NSMCE1: variants seen among roughly 807,000 people sequenced by gnomAD.
NSMCE1 encodes non-structural maintenance of chromosomes element 1 homolog.
Under a neutral mutation model 29.6 loss-of-function variants are expected in NSMCE1, and 18 were observed. That is an observed-to-expected ratio of 0.61 (90% CI 0.42 to 0.90). NSMCE1 has a LOEUF of 0.90. NSMCE1 is among the 40% of genes least tolerant of loss of function. NSMCE1 has a pLI of 0.00. For synonymous variants in NSMCE1, 124 were observed against 133.4 expected (o/e 0.93, Z 0.49); for missense variants, 314 against 343.6 (o/e 0.91, Z 0.68).
intron 1 of NSMCE1, among the ~76,000 whole-genome samples, chr16:27,258,978 G>C (rs957410527): frequency 1.4e-4 from 22 of 152,022 alleles, no homozygotes; most frequent in African/African-American, 5.3e-4. Flanking sequence ...TCGAACTCCT[G>C]ACCTCAGGCG....
chr16:27,225,887 C>T (rs1250060357), intron 6 of NSMCE1, 41 bp from the exon 7 acceptor site: 1 of 1,609,080 alleles, frequency 6.2e-7, no homozygotes. Flanking sequence ...CTGGTGCACA[C>T]CTCCATGTTC....
At chr16:27,266,114 T>A (rs776191489) in intron 1 of NSMCE1, among the ~76,000 whole-genome samples, 20 of 152,208 alleles carry the variant, frequency 1.3e-4, no homozygotes, top group Non-Finnish European at 2.5e-4. Flanking sequence ...GATTCACACC[T>A]GTAATCTCAA....
chr16:27,256,409 G>A (rs1051546372), intron 2 of NSMCE1, among the ~76,000 whole-genome samples: 4 of 152,174 alleles, frequency 2.6e-5, no homozygotes, highest in Non-Finnish European at 5.9e-5. Context: ...CTCCCACTCT[G>A]CTTCTCCTCA....
intron 2 of NSMCE1, among the ~76,000 whole-genome samples, chr16:27,252,436 G>A (rs952392188): frequency 3.9e-5 from 6 of 152,198 alleles, no homozygotes; most frequent in African/African-American, 1.2e-4. Context: ...TCACAATTTT[G>A]TGGGATTATT....
chr16:27,259,801 T>A (rs2084134703), intron 1 of NSMCE1, among the ~76,000 whole-genome samples: 2 of 152,130 alleles, frequency 1.3e-5, no homozygotes, highest in East Asian at 3.8e-4. Context: ...AAAAGTCAGA[T>A]GACTTCTAAA....
At chr16:27,236,605 G>T (rs942161247) in intron 2 of NSMCE1, among the ~76,000 whole-genome samples, 1 of 151,492 alleles carries the variant, frequency 6.6e-6, no homozygotes, top group South Asian at 2.1e-4. Context: ...CTTGTGCTGT[G>T]AAACTTTTTA....
intron 2 of NSMCE1, among the ~76,000 whole-genome samples, chr16:27,240,168 C>T (rs2083877539): frequency 6.6e-6 from 1 of 152,156 alleles, no homozygotes; most frequent in African/African-American, 2.4e-5. Context: ...CTCCACAGAA[C>T]AAGCCTGAGG....
At chr16:27,254,460 G>C (rs2084064026) in intron 2 of NSMCE1, among the ~76,000 whole-genome samples, 1 of 152,186 alleles carries the variant, frequency 6.6e-6, no homozygotes, top group Non-Finnish European at 1.5e-5. Context: ...AAGGCATCAT[G>C]TGGCTCCTTG....
chr16:27,225,928 T>C, intron 6 of NSMCE1, 82 bp from the exon 7 acceptor site: 1 of 1,546,810 alleles, frequency 6.5e-7, no homozygotes, highest in Non-Finnish European at 8.8e-7. Context: ...ACAAGGGAAA[T>C]GGGCAGCAGG....
At chr16:27,234,773 T>C (rs944573990) in intron 3 of NSMCE1, among the ~76,000 whole-genome samples, 2 of 152,200 alleles carry the variant, frequency 1.3e-5, no homozygotes, top group African/African-American at 4.8e-5. Flanking sequence ...GGATGGGGCA[T>C]GTCAGCTTCC....
intron 2 of NSMCE1, 119 bp from the exon 3 acceptor site, chr16:27,235,418 G>A (rs924351744): frequency 9.1e-5 from 101 of 1,106,930 alleles, no homozygotes; most frequent in Non-Finnish European, 1.2e-4. Context: ...AGACATGGGT[G>A]GAGGCTGCAG....
Position 27,268,713 on chromosome 16 carries a change from C to G in NSMCE1, c.-19G>C, listed in dbSNP as rs146592195. On this transcript the variant is annotated 5_prime_UTR_variant, in exon 1 of 8. Coordinates refer to ENST00000361439, the MANE Select transcript of NSMCE1 (RefSeq NM_145080.4). ...GCTCCCCACGTTACCCACCAGGGAGCCCAAGCGCATCCCAGGCCGCGCTAG... is the reference window on the plus strand; with the variant it reads ...GCTCCCCACGTTACCCACCAGGGAGGCCAAGCGCATCCCAGGCCGCGCTAG... 1.3e-5 allele frequency: 2 copies of G among 152,838 alleles called. No homozygotes were observed. Among genetic ancestry groups the G allele is most frequent in the African/African-American group, 4.8e-5 (2 of 41,482 alleles). The allele number at this position is 152,838 out of a possible 1,614,324, so 9.5% of individuals were successfully genotyped here.
At chr16:27,264,021 T>C (rs2084191969) in intron 1 of NSMCE1, among the ~76,000 whole-genome samples, 1 of 152,144 alleles carries the variant, frequency 6.6e-6, no homozygotes, top group African/African-American at 2.4e-5. Context: ...AGCAAAGACA[T>C]TCCTGGGAGA....
At chr16:27,226,400 A>G (rs1351883255) in intron 6 of NSMCE1, 2 of 320,242 alleles carry the variant, frequency 6.2e-6, no homozygotes, top group African/African-American at 4.2e-5. Context: ...GCAGCAATCG[A>G]CAAGAGACAC....
intron 1 of NSMCE1, chr16:27,266,302 A>C (rs2084224304): frequency 6.6e-6 from 1 of 152,240 alleles, no homozygotes; most frequent in African/African-American, 2.4e-5. Context: ...TGAATGCTAT[A>C]ATTTGGTGGA....
intron 2 of NSMCE1, among the ~76,000 whole-genome samples, chr16:27,243,506 C>T (rs768727224): frequency 1.3e-5 from 2 of 152,160 alleles, no homozygotes; most frequent in Non-Finnish European, 2.9e-5. Context: ...CATCAACCTG[C>T]CCAGAAAGCC....
chr16:27,251,165 T>TATATATATATATATATATAA (rs2084025287), intron 2 of NSMCE1, among the ~76,000 whole-genome samples: 2 of 63,098 alleles, frequency 3.2e-5, no homozygotes, highest in Non-Finnish European at 4.9e-5. Flanking sequence ...TTAAAATATA[T>TATATATATATATATATATAA]ATATATATAT....
In NSMCE1 at chr16:27,241,961, C is replaced by T. The variant is rs370877318; in HGVS notation, c.137-6662G>A. ...TCTGGCCATTAGCTGGATGCAATCA[C>T]GAAAGGATGTGGGCATTCATCAGAA... On this transcript the variant is annotated intron_variant, in intron 2 of 7. Coordinates refer to ENST00000361439, the MANE Select transcript of NSMCE1 (RefSeq NM_145080.4). The T allele has an allele frequency of 3.8e-5, 14 of 371,378 alleles. No individual in the cohort carries two copies. The East Asian group carries it at 4.7e-4, about 12-fold the overall frequency. 23.0% of individuals were successfully genotyped at this position (371,378 alleles called of 1,614,324 possible).
At chr16:27,265,070 T>C (rs1290042114) in intron 1 of NSMCE1, among the ~76,000 whole-genome samples, 1 of 151,572 alleles carries the variant, frequency 6.6e-6, no homozygotes, top group Non-Finnish European at 1.5e-5. Flanking sequence ...AGTGAAGGAA[T>C]GTCTTAGCCA....
Sources: gnomAD v4.1 joint callset for allele counts (sites outside exome capture counted in the v4.1 genomes callset) on GRCh38, gnomAD v4.1.1 for gene constraint, MANE v1.5 for transcripts, NCBI Gene and HGNC (gene_info 2026-07-23, HGNC 2026-07-21) for gene names.